Variants in CPNE7 observed in about 807,000 individuals in gnomAD.
CPNE7 encodes copine 7, also known as copine-7.
In CPNE7, 78 loss-of-function variants were observed where a neutral mutation model predicts 66.5. The observed-to-expected ratio is 1.17, with a 90% CI of 0.98 to 1.42. The LOEUF (loss-of-function observed/expected upper bound fraction) is 1.42. Among genes scored for constraint, CPNE7 ranks in the 40% most tolerant of loss-of-function variants. The pLI, the probability that CPNE7 is intolerant of heterozygous loss-of-function variation, is 0.00. For synonymous variants in CPNE7, 468 were observed against 336.7 expected (o/e 1.39, Z -4.27); for missense variants, 1,012 against 776.6 (o/e 1.30, Z -3.60).
At chr16:89,583,546 C>T (rs1432984335) in intron 2 of CPNE7, 151 bp from the exon 3 acceptor site, 3 of 1,581,266 alleles carry the variant, frequency 1.9e-6, no homozygotes, top group African/African-American at 2.7e-5. Context: ...AGAGCAGCCA[C>T]AAAGGGGGCG....
chr16:89,586,813 C>T, intron 8 of CPNE7, 57 bp downstream of exon 8: 1 of 1,466,854 alleles, frequency 6.8e-7, no homozygotes. Flanking sequence ...TCCGCTGCCT[C>T]CCTCTGATTG....
intron 10 of CPNE7, among the ~76,000 whole-genome samples, 180 bp from the exon 11 acceptor site, chr16:89,589,717 C>T (rs989840931): frequency 3.3e-5 from 5 of 152,198 alleles, no homozygotes; most frequent in African/African-American, 1.2e-4. Context: ...CCCTTGCACA[C>T]AGGCCTGTGC....
chr16:89,577,731 C>A lies in CPNE7; in HGVS notation c.357+10C>A. 6.3e-7 allele frequency: 1 copy of A among 1,579,830 alleles called. No homozygotes were observed. Among genetic ancestry groups the A allele is most frequent in the East Asian group, 2.3e-5 (1 of 43,360 alleles). On this transcript the variant is annotated intron_variant, in intron 2 of 14. Transcript: ENST00000319518. ...GTGCACCCTGGGGCAGGTGGGTGCCCCGTCCCCTCGGAGGGAGGAGGACGG... is the reference window on the plus strand; with the variant it reads ...GTGCACCCTGGGGCAGGTGGGTGCCACGTCCCCTCGGAGGGAGGAGGACGG...
chr16:89,579,733 T>TCTCA (rs2058918936), intron 2 of CPNE7, among the ~76,000 whole-genome samples: 1 of 141,768 alleles, frequency 7.1e-6, no homozygotes, highest in Admixed American at 7.0e-5. Flanking sequence ...ACACGGAACA[T>TCTCA]CCCATCACCC....
Position 89,575,933 on chromosome 16 carries a change from C to A in CPNE7, c.36C>A (p.Thr12=), listed in dbSNP as rs981743697. Reference sequence around the variant, plus strand: ...GCTCGGAGCGCGGGGCGGCGGCAACCCCCGGGGGTTTGCCCGCGCCCTGCG... The same window carrying A: ...GCTCGGAGCGCGGGGCGGCGGCAACACCCGGGGGTTTGCCCGCGCCCTGCG... ...SAGSERGAAA[T]PGGLPAPCAS... is the part of the protein sequence containing the mutation. Residue 12 remains threonine (T), a synonymous_variant, in exon 1 of 15, where the codon ACC becomes ACA. Transcript: ENST00000319518. The A allele has an allele frequency of 3.8e-6, 5 of 1,317,946 alleles. No individual in the cohort carries two copies. In the African/African-American group the frequency reaches 6.2e-5, roughly 16 times the overall value. The allele number at this position is 1,317,946 out of a possible 1,614,324, so 81.6% of individuals were successfully genotyped here.
chr16:89,581,255 A>G (rs1356018007), intron 2 of CPNE7, among the ~76,000 whole-genome samples: 5 of 143,568 alleles, frequency 3.5e-5, no homozygotes, highest in African/African-American at 1.3e-4. Context: ...GGAACATCCG[A>G]TCACCCGTCA....
At chr16:89,576,654 C>G (rs1210726000) in intron 1 of CPNE7, among the ~76,000 whole-genome samples, 3 of 152,178 alleles carry the variant, frequency 2.0e-5, no homozygotes, top group Non-Finnish European at 4.4e-5. Flanking sequence ...GGCTTCACCT[C>G]GAAAGGGCGA....
intron 14 of CPNE7, chr16:89,595,942 G>T: frequency 1.9e-6 from 1 of 527,912 alleles, no homozygotes; most frequent in Non-Finnish European, 3.7e-6. Context: ...TCTACCCGCC[G>T]AGACACACAC....
At chr16:89,588,611 C>A in intron 9 of CPNE7, 64 bp from the exon 10 acceptor site, 1 of 1,600,706 alleles carries the variant, frequency 6.2e-7, no homozygotes, top group Non-Finnish European at 8.5e-7. Context: ...GGTTTCTCTA[C>A]CTGTCAGGAG....
At chr16:89,578,022 C>T (rs1197834204) in intron 2 of CPNE7, among the ~76,000 whole-genome samples, 1 of 152,038 alleles carries the variant, frequency 6.6e-6, no homozygotes, top group Non-Finnish European at 1.5e-5. Context: ...TTCACAGGAG[C>T]AAACCAGCCT....
chr16:89,578,273 C>G (rs1383855427), intron 2 of CPNE7, among the ~76,000 whole-genome samples: 1 of 151,166 alleles, frequency 6.6e-6, no homozygotes, highest in Non-Finnish European at 1.5e-5. Flanking sequence ...CCATGTTGGT[C>G]AGGCTGCTCT....
chr16:89,584,884 G>A lies in CPNE7; in HGVS notation c.591+27G>A. The stretch of plus-strand genomic sequence containing the variant: ...TGAGCGGCCGGGGATGGGAACACAG[G>A]GAGGGGAAGGGGCTGTCCCCAGCCC... On this transcript the variant is annotated intron_variant, in intron 5 of 14. Transcript: ENST00000319518. The surrounding 1 kb of genome is among the most constrained non-coding windows in gnomAD (Gnocchi z 6.0). 6.3e-7 allele frequency: 1 copy of A among 1,592,710 alleles called. No individual in the cohort carries two copies. Among genetic ancestry groups the A allele is most frequent in the South Asian group, 1.1e-5 (1 of 90,510 alleles).
intron 2 of CPNE7, among the ~76,000 whole-genome samples, chr16:89,580,871 G>A (rs930882496): frequency 2.9e-5 from 4 of 138,210 alleles, no homozygotes; most frequent in African/African-American, 1.1e-4. Context: ...CCGTCACACG[G>A]AACATGCCAT....
intron 9 of CPNE7, 41 bp from the exon 10 acceptor site, chr16:89,588,634 G>A (rs1172535642): frequency 6.2e-7 from 1 of 1,610,480 alleles, no homozygotes; most frequent in East Asian, 2.2e-5. Context: ...GGTTCGGGGA[G>A]CCCCGGCCCA....
chr16:89,587,628 G>A (rs749743045), intron 9 of CPNE7: 222 of 450,230 alleles, frequency 4.9e-4, no homozygotes, highest in Non-Finnish European at 9.3e-4. Flanking sequence ...TGTCATCCAA[G>A]GAGCCCGGCA....
intron 2 of CPNE7, among the ~76,000 whole-genome samples, chr16:89,578,179 C>T (rs2058891148): frequency 6.6e-6 from 1 of 151,354 alleles, no homozygotes; most frequent in African/African-American, 2.4e-5. Context: ...ATTCTCCTGC[C>T]TCAGCCTCCT....
At position 89,580,254 on chromosome 16, in the gene CPNE7, C is replaced by T. The variant is rs559799717; in HGVS notation, c.357+2533C>T. The stretch of plus-strand genomic sequence containing the variant: ...CATCTCCCCCATCACACGGAACATC[C>T]CATCACCTGCAGACACAGAACATCT... On this transcript the variant is annotated intron_variant, in intron 2 of 14. Coordinates refer to ENST00000319518, the MANE Select transcript of CPNE7 (RefSeq NM_153636.3). 4.7e-5 allele frequency among the ~76,000 whole-genome samples: 5 copies of T among 106,920 alleles called. 1 individual carries two copies. In the East Asian group the frequency reaches 1.3e-3, roughly 27 times the overall value. The allele number at this position is 106,920 out of a possible 152,430, so 70.1% of individuals were successfully genotyped here.
Position 89,583,698 on chromosome 16 carries a change from T to G in CPNE7, c.359T>G (p.Ile120Ser). The G allele has an allele frequency of 6.2e-7, 1 of 1,612,668 alleles. No individual in the cohort carries two copies. Among genetic ancestry groups the G allele is most frequent in the South Asian group, 1.1e-5 (1 of 91,082 alleles). ...LGGMECTLGQ[I>S]VAQKKVTRPL... Reference sequence around the variant, plus strand: ...CTGCCTGACGCCTCTGACTTACAGATTGTGGCCCAGAAGAAGGTGACCCGC... The same window carrying G: ...CTGCCTGACGCCTCTGACTTACAGAGTGTGGCCCAGAAGAAGGTGACCCGC... Residue 120 changes from isoleucine (I) to serine (S), a missense_variant and splice_region_variant, in exon 3 of 15, where the codon ATT becomes AGT. Coordinates refer to ENST00000319518, the MANE Select transcript of CPNE7 (RefSeq NM_153636.3).
intron 14 of CPNE7, chr16:89,596,043 C>T (rs2059250557): frequency 4.4e-6 from 2 of 456,912 alleles, no homozygotes; most frequent in African/African-American, 2.0e-5. Flanking sequence ...TGAGGCCCTA[C>T]AGCAAGACGT....
Sources: gnomAD v4.1 joint callset for allele counts (sites outside exome capture counted in the v4.1 genomes callset) on GRCh38, gnomAD v4.1.1 for gene constraint, Gnocchi (gnomAD v3.1) non-coding constraint, MANE v1.5 for transcripts, NCBI Gene and HGNC (gene_info 2026-07-23, HGNC 2026-07-21) for gene names.